CUBN: variants seen among roughly 807,000 people sequenced by gnomAD.
CUBN encodes cubilin.
Under a neutral mutation model 405.3 loss-of-function variants are expected in CUBN, and 282 were observed. The observed-to-expected ratio is 0.70, with a 90% CI of 0.63 to 0.77. The LOEUF (loss-of-function observed/expected upper bound fraction) is 0.77. Among genes scored for constraint, CUBN ranks in the 30% least tolerant of loss-of-function variants. The pLI is 0.00. For missense variants in CUBN, 4,514 were observed against 4,475.2 expected, an observed-to-expected ratio of 1.01 and a Z score of -0.25; for synonymous variants, 1,684 against 1,617.0, an observed-to-expected ratio of 1.04 and a Z score of -0.99.
chr10:17,119,542 C>T lies in CUBN; in HGVS notation c.593+3253G>A, dbSNP rs187037770. ...GGGTATGGTGTCAGGTGCCTGTAAT[C>T]CCAGCTACTCGGGAGGCTGAGGTAG... On this transcript the variant is annotated intron_variant, in intron 6 of 66. Coordinates refer to ENST00000377833, the MANE Select transcript of CUBN (RefSeq NM_001081.4). Among the ~76,000 whole-genome samples the T allele has an allele frequency of 9.9e-5, 15 of 152,262 alleles. 1 individual carries two copies. The highest frequency in any genetic ancestry group is 3.4e-3 in the Middle Eastern group (1 of 294).
At chr10:17,063,007 A>C (rs1337096415) in intron 22 of CUBN, among the ~76,000 whole-genome samples, 1 of 152,134 alleles carries the variant, frequency 6.6e-6, no homozygotes, top group East Asian at 1.9e-4. Context: ...CCAGCAGCTC[A>C]CTCTGACTCT....
intron 31 of CUBN, among the ~76,000 whole-genome samples, chr10:16,982,027 G>A (rs562636833): frequency 1.3e-5 from 2 of 152,240 alleles, no homozygotes; most frequent in Admixed American, 6.5e-5. Flanking sequence ...TCTATTCCAT[G>A]ATACTTTCTG....
chr10:17,043,744 C>T (rs1835062817), intron 26 of CUBN, 83 bp downstream of exon 26: 9 of 1,576,938 alleles, frequency 5.7e-6, no homozygotes, highest in Non-Finnish European at 7.8e-6. Context: ...CATACTTACT[C>T]TGCCAGTATT....
In CUBN at chr10:17,052,246, T is replaced by C. The variant is rs142406101; in HGVS notation, c.3140-4643A>G. On this transcript the variant is annotated intron_variant, in intron 22 of 66. Transcript: ENST00000377833. ...ATTTTTAGACAAACAGAAGCTGACA[T>C]AATTTGTCACTGGAAGACTTGTACT... 2.6e-3 allele frequency among the ~76,000 whole-genome samples: 390 copies of C among 152,282 alleles called. 20 individuals are homozygous for C. The East Asian group carries it at 0.067, about 26-fold the overall frequency.
chr10:17,074,592 T>C (rs181603336), intron 17 of CUBN, among the ~76,000 whole-genome samples: 9 of 152,342 alleles, frequency 5.9e-5, no homozygotes, highest in Non-Finnish European at 1.0e-4. Context: ...AAATTGAAGA[T>C]TCTTTCTCCT....
chr10:16,981,675 A>C (rs1354175580), intron 31 of CUBN, among the ~76,000 whole-genome samples: 1 of 152,074 alleles, frequency 6.6e-6, no homozygotes, highest in Non-Finnish European at 1.5e-5. Context: ...GAGATGAGGG[A>C]CCAGCCAGTT....
intron 4 of CUBN, among the ~76,000 whole-genome samples, chr10:17,124,761 T>C (rs1337371716): frequency 6.7e-6 from 1 of 148,746 alleles, no homozygotes; most frequent in African/African-American, 2.5e-5. Context: ...CACTTGATTA[T>C]GCAATGATGG....
chr10:16,955,374 CAAAAAAAAAAAAAAAAA>C lies in CUBN; in HGVS notation c.4696-843_4696-827del, dbSNP rs59365817. 1.9e-4 allele frequency among the ~76,000 whole-genome samples: 13 copies of C among 68,858 alleles called. 1 individual carries two copies. The Middle Eastern group carries it at 0.054, about 286-fold the overall frequency. The allele number at this position is 68,858 out of a possible 152,430, so 45.2% of individuals were successfully genotyped here. A position where few individuals can be genotyped will look rare whatever the true frequency, so the allele number is the denominator to read the frequency against. On this transcript the variant is annotated intron_variant, in intron 31 of 66. Coordinates refer to ENST00000377833, the MANE Select transcript of CUBN (RefSeq NM_001081.4). ...GGCAACAGAGAGCGAGATTCTGTCT[CAAAAAAAAAAAAAAAAA>C]AAAAAAAAAAAGGAAAAGAAAATTA...
intron 36 of CUBN, among the ~76,000 whole-genome samples, chr10:16,942,132 A>G (rs1046071526): frequency 2.1e-4 from 32 of 152,218 alleles, no homozygotes; most frequent in Admixed American, 7.9e-4. Context: ...CACACCCATC[A>G]TAAGGGCTAA....
Position 16,867,683 on chromosome 10 carries a change from C to A in CUBN, c.9454+1953G>T, listed in dbSNP as rs550229901. 2.8e-4 allele frequency among the ~76,000 whole-genome samples: 42 copies of A among 152,320 alleles called. 1 individual carries two copies. The South Asian group carries it at 7.7e-3, about 28-fold the overall frequency. ...CCGTTTCTACATTCTCCACTTAAAC[C>A]TTTTCCCTAACTGTGGCCAGAGGAA... On this transcript the variant is annotated intron_variant, in intron 59 of 66. Coordinates refer to ENST00000377833, the MANE Select transcript of CUBN (RefSeq NM_001081.4).
rs753266760 is a variant in CUBN, at chr10:16,831,304, A to G, written c.10476T>C (p.Asp3492=). 4 of 1,614,084 alleles carry G rather than the reference A, an allele frequency of 2.5e-6. No individual in the cohort carries two copies. Among genetic ancestry groups the G allele is most frequent in the Non-Finnish European group, 3.4e-6 (4 of 1,179,916 alleles). The change falls in exon 65 of 67, where the codon GAT becomes GAC. Residue 3492 remains aspartate, a synonymous_variant. Transcript: ENST00000377833. ...CATATCCACGATCAGAAGTTACACT[A>G]TCACTCTTAAATCGTAGGTATAGTT... ...NNELYLRFKS[D]SVTSDRGYEI...
intron 17 of CUBN, among the ~76,000 whole-genome samples, chr10:17,079,425 TG>T (rs1835922836): frequency 6.6e-6 from 1 of 151,540 alleles, no homozygotes; most frequent in Non-Finnish European, 1.5e-5. Context: ...TTAGTAGAGA[TG>T]GGGTTTCACA....
At chr10:16,896,274 T>C (rs1444776839) in intron 54 of CUBN, among the ~76,000 whole-genome samples, 1 of 152,218 alleles carries the variant, frequency 6.6e-6, no homozygotes, top group African/African-American at 2.4e-5. Flanking sequence ...CCTTTTTCTT[T>C]TCTCATGCTC....
At chr10:16,859,102 A>G (rs1255108288) in intron 59 of CUBN, among the ~76,000 whole-genome samples, 1 of 152,236 alleles carries the variant, frequency 6.6e-6, no homozygotes, top group African/African-American at 2.4e-5. Flanking sequence ...CATGATCTAT[A>G]AAAGAAAAAG....
At chr10:17,096,139 G>A (rs1366772857) in intron 14 of CUBN, among the ~76,000 whole-genome samples, 1 of 152,002 alleles carries the variant, frequency 6.6e-6, no homozygotes, top group African/African-American at 2.4e-5. Flanking sequence ...GAGAGGTGGG[G>A]GCAATAGGGA....
chr10:16,949,685 G>T (rs1842878995), intron 34 of CUBN, among the ~76,000 whole-genome samples: 2 of 151,892 alleles, frequency 1.3e-5, no homozygotes, highest in South Asian at 4.1e-4. Flanking sequence ...ATATTAACAA[G>T]AAATTTCTGA....
intron 17 of CUBN, among the ~76,000 whole-genome samples, chr10:17,080,246 T>C (rs1208638604): frequency 6.6e-6 from 1 of 152,222 alleles, no homozygotes; most frequent in African/African-American, 2.4e-5. Context: ...TTTTAAAATG[T>C]TTATAAATAA....
At chr10:16,965,608 T>C (rs1843370869) in intron 31 of CUBN, 1 of 151,824 alleles carries the variant, frequency 6.6e-6, no homozygotes, top group South Asian at 2.1e-4. Flanking sequence ...ATATATTCCC[T>C]GAGATTGTTG....
At position 16,963,166 on chromosome 10, in the gene CUBN, ATT is replaced by A. The variant is rs765181894; in HGVS notation, c.4696-8620_4696-8619del. 2.4e-4 allele frequency among the ~76,000 whole-genome samples: 29 copies of A among 120,858 alleles called. No individual in the cohort carries two copies. The East Asian group carries it at 6.3e-3, about 26-fold the overall frequency. 79.3% of individuals were successfully genotyped at this position (120,858 alleles called of 152,430 possible). ...TCGTTCCAGAAATTCTCATATATAC[ATT>A]TCTTTTTTCTTTTCTTTTCTTTTTT... is the stretch of plus-strand genomic sequence containing the variant. On this transcript the variant is annotated intron_variant, in intron 31 of 66. Coordinates refer to ENST00000377833, the MANE Select transcript of CUBN (RefSeq NM_001081.4).
Sources: gnomAD v4.1 joint callset for allele counts (sites outside exome capture counted in the v4.1 genomes callset) on GRCh38, gnomAD v4.1.1 for gene constraint, MANE v1.5 for transcripts, NCBI Gene and HGNC (gene_info 2026-07-23, HGNC 2026-07-21) for gene names.